SGCZ: variants seen among roughly 807,000 people sequenced by gnomAD.
SGCZ encodes the protein sarcoglycan zeta.
SGCZ carries 40 observed loss-of-function variants against 41.3 expected under a neutral mutation model. The ratio of observed to expected loss-of-function variants is 0.97; its 90% CI spans 0.75 to 1.26. SGCZ has a LOEUF of 1.26. Ranked by LOEUF, SGCZ falls within the 50% of genes most tolerant of loss-of-function variation. The probability of loss-of-function intolerance (pLI) is 0.00; values close to 1 mark genes in which losing one functional copy is unlikely to be tolerated. For missense variants in SGCZ, 552 were observed against 369.8 expected, an observed-to-expected ratio of 1.49 and a Z score of -4.04; for synonymous variants, 206 against 137.5, an observed-to-expected ratio of 1.50 and a Z score of -3.49.
intron 2 of SGCZ, among the ~76,000 whole-genome samples, chr8:14,463,417 A>G (rs1038149351): frequency 6.6e-6 from 1 of 151,068 alleles, no homozygotes; most frequent in Non-Finnish European, 1.5e-5. Context: ...AAAAAAAAAA[A>G]AAAACCCTGG....
chr8:14,739,152 G>A (rs1355440886), intron 1 of SGCZ, among the ~76,000 whole-genome samples: 4 of 151,856 alleles, frequency 2.6e-5, no homozygotes, highest in Admixed American at 1.3e-4. Flanking sequence ...AGTTCTTTAG[G>A]AAAATTCAAA....
intron 1 of SGCZ, among the ~76,000 whole-genome samples, chr8:15,191,939 A>G (rs1014261787): frequency 6.6e-6 from 1 of 152,090 alleles, no homozygotes; most frequent in Non-Finnish European, 1.5e-5. Context: ...CTCTCATTAT[A>G]CAACCCTGGG....
At chr8:14,231,680 G>C (rs78526085) in intron 4 of SGCZ, among the ~76,000 whole-genome samples, 2 of 152,164 alleles carry the variant, frequency 1.3e-5, no homozygotes, top group East Asian at 3.9e-4. Flanking sequence ...CATGTTGTCA[G>C]AGGATTACTA....
chr8:14,371,509 G>A (rs373456063), intron 2 of SGCZ, among the ~76,000 whole-genome samples: 25 of 141,998 alleles, frequency 1.8e-4, no homozygotes, highest in East Asian at 3.9e-4. Flanking sequence ...CCTAAATTTC[G>A]TATGTAAATA....
At chr8:14,867,689 T>C (rs1272776146) in intron 1 of SGCZ, among the ~76,000 whole-genome samples, 1 of 152,074 alleles carries the variant, frequency 6.6e-6, no homozygotes, top group Non-Finnish European at 1.5e-5. Flanking sequence ...ATACCACATG[T>C]TCTCACGTAT....
chr8:14,371,447 T>C (rs1803906230), intron 2 of SGCZ, among the ~76,000 whole-genome samples: 1 of 152,116 alleles, frequency 6.6e-6, no homozygotes, highest in Admixed American at 6.6e-5. Context: ...CTTATGACTA[T>C]ATCCATTAAA....
chr8:14,935,459 G>GA (rs1301435430), intron 1 of SGCZ, among the ~76,000 whole-genome samples: 2 of 151,512 alleles, frequency 1.3e-5, no homozygotes, highest in African/African-American at 4.8e-5. Context: ...CCTACTGTGA[G>GA]AAAAAAAGGT....
intron 1 of SGCZ, among the ~76,000 whole-genome samples, chr8:15,209,706 A>G (rs1449947320): frequency 6.6e-6 from 1 of 152,158 alleles, no homozygotes. Flanking sequence ...GCAAACTCAC[A>G]TATTTCAAGT....
intron 3 of SGCZ, among the ~76,000 whole-genome samples, chr8:14,321,499 T>C (rs1190231029): frequency 6.6e-6 from 1 of 151,782 alleles, no homozygotes; most frequent in African/African-American, 2.4e-5. Flanking sequence ...GACATCTCTT[T>C]ATTATCTTTC....
chr8:14,542,288 A>G (rs1329192459), intron 2 of SGCZ, among the ~76,000 whole-genome samples: 1 of 151,994 alleles, frequency 6.6e-6, no homozygotes, highest in African/African-American at 2.4e-5. Flanking sequence ...ACCCTCATTT[A>G]TAATCCCCAA....
intron 5 of SGCZ, among the ~76,000 whole-genome samples, chr8:14,153,156 A>G (rs952916481): frequency 3.8e-4 from 58 of 152,218 alleles, no homozygotes; most frequent in African/African-American, 1.3e-3. Context: ...AGATGTTACC[A>G]TTGAGAAAAA....
At chr8:15,159,061 C>T (rs1460814646) in intron 1 of SGCZ, among the ~76,000 whole-genome samples, 2 of 152,124 alleles carry the variant, frequency 1.3e-5, no homozygotes, top group Admixed American at 1.3e-4. Flanking sequence ...ACCTGAAAGA[C>T]CAGAACATCT....
chr8:15,236,528 T>G (rs2117220633), intron 1 of SGCZ, among the ~76,000 whole-genome samples: 1 of 151,868 alleles, frequency 6.6e-6, no homozygotes, highest in Non-Finnish European at 1.5e-5. Flanking sequence ...TGCCTAGGGG[T>G]AAAGAAGGGT....
chr8:15,170,292 G>A (rs141289695), intron 1 of SGCZ, among the ~76,000 whole-genome samples: 284 of 152,190 alleles, frequency 1.9e-3, no homozygotes, highest in African/African-American at 6.0e-3. Context: ...TTGATCTACA[G>A]CTTCAATTTC....
chr8:14,847,270 A>G (rs1803164614), intron 1 of SGCZ, among the ~76,000 whole-genome samples: 1 of 152,124 alleles, frequency 6.6e-6, no homozygotes, highest in African/African-American at 2.4e-5. Flanking sequence ...TGAACTCAAT[A>G]TTACCCTGAT....
At chr8:14,690,374 C>G (rs1808760477) in intron 1 of SGCZ, 1 of 152,010 alleles carries the variant, frequency 6.6e-6, no homozygotes, top group South Asian at 2.1e-4. Context: ...GCAACCCAGC[C>G]AGGAGGTCTC....
At chr8:14,752,604 C>T (rs1799533178) in intron 1 of SGCZ, among the ~76,000 whole-genome samples, 1 of 152,096 alleles carries the variant, frequency 6.6e-6, no homozygotes, top group Non-Finnish European at 1.5e-5. Context: ...CTAAAATACT[C>T]CCTTGGTCTA....
At chr8:15,034,261 A>G (rs535751026) in intron 1 of SGCZ, among the ~76,000 whole-genome samples, 2 of 152,298 alleles carry the variant, frequency 1.3e-5, no homozygotes, top group East Asian at 3.9e-4. Flanking sequence ...AATTTAGCAG[A>G]GATATAAATT....
intron 5 of SGCZ, among the ~76,000 whole-genome samples, chr8:14,135,281 T>G (rs1172398605): frequency 6.6e-6 from 1 of 152,242 alleles, no homozygotes; most frequent in Non-Finnish European, 1.5e-5. Flanking sequence ...ATTATTTCAC[T>G]TTTTCTCCTT....
Sources: allele counts gnomAD v4.1 joint callset (sites outside exome capture counted in the v4.1 genomes callset), GRCh38; gene constraint gnomAD v4.1.1; transcripts MANE v1.5; gene names NCBI Gene and HGNC (gene_info 2026-07-23, HGNC 2026-07-21).